The following ANKH variants were observed in gnomAD, a reference collection of about 807,000 sequenced individuals.
ANKH encodes the protein mineralization regulator ANKH.
In ANKH, 15 loss-of-function variants were observed where a neutral mutation model predicts 49.0. That is an observed-to-expected ratio of 0.31 (90% CI 0.20 to 0.47). ANKH has a LOEUF of 0.47. ANKH is among the 20% of genes least tolerant of loss of function. The pLI, the probability that ANKH is intolerant of heterozygous loss-of-function variation, is 1.00. For synonymous variants in ANKH, 273 were observed against 260.0 expected, an observed-to-expected ratio of 1.05 and a Z score of -0.48; for missense variants, 429 against 652.0, an observed-to-expected ratio of 0.66 and a Z score of 3.72.
intron 1 of ANKH, among the ~76,000 whole-genome samples, chr5:14,773,485 G>A (rs113583383): frequency 3.0e-4 from 46 of 151,418 alleles, no homozygotes; most frequent in South Asian, 1.9e-3. Context: ...CAGGTGGGAA[G>A]AGAGAGGGCC....
chr5:14,761,344 A>G (rs1739072154), intron 2 of ANKH, among the ~76,000 whole-genome samples: 1 of 152,142 alleles, frequency 6.6e-6, no homozygotes, highest in Non-Finnish European at 1.5e-5. Flanking sequence ...AGAGAGGGAG[A>G]CAGGCTTATT....
intron 1 of ANKH, among the ~76,000 whole-genome samples, chr5:14,828,309 T>C (rs1741404759): frequency 6.6e-6 from 1 of 152,276 alleles, no homozygotes; most frequent in Non-Finnish European, 1.5e-5. Context: ...CTGGCCAACA[T>C]GGTGAAACCA....
chr5:14,817,007 T>C (rs1741058817), intron 1 of ANKH, among the ~76,000 whole-genome samples: 1 of 152,244 alleles, frequency 6.6e-6, no homozygotes, highest in Admixed American at 6.5e-5. Context: ...TCTGCTTCGA[T>C]GATCCCATAC....
intron 8 of ANKH, among the ~76,000 whole-genome samples, chr5:14,718,971 G>C (rs188762660): frequency 8.5e-4 from 130 of 152,134 alleles, no homozygotes; most frequent in Admixed American, 3.3e-3. Flanking sequence ...CACAGGAGAA[G>C]AGAGTTAAAG....
chr5:14,820,025 T>C (rs1029844439), intron 1 of ANKH, among the ~76,000 whole-genome samples: 7 of 152,038 alleles, frequency 4.6e-5, no homozygotes, highest in African/African-American at 7.2e-5. Flanking sequence ...CCAAATACTA[T>C]GGTGTAAATT....
intron 1 of ANKH, among the ~76,000 whole-genome samples, chr5:14,831,231 C>T (rs1156786240): frequency 3.9e-5 from 6 of 152,030 alleles, no homozygotes; most frequent in South Asian, 2.1e-4. Context: ...GAACCGGAAT[C>T]GGACAGCCAG....
chr5:14,736,151 TTC>T (rs1362467780), intron 8 of ANKH, among the ~76,000 whole-genome samples: 2 of 152,026 alleles, frequency 1.3e-5, no homozygotes, highest in African/African-American at 4.8e-5. Flanking sequence ...CCAGGCTTCC[TTC>T]TCTCTCTGCC....
intron 8 of ANKH, among the ~76,000 whole-genome samples, chr5:14,727,017 G>GGAT (rs1047546225): frequency 6.6e-6 from 1 of 152,152 alleles, no homozygotes; most frequent in African/African-American, 2.4e-5. Context: ...CTCACAGGAG[G>GGAT]GATGATGATG....
At chr5:14,712,198 T>C (rs1322712121) in intron 11 of ANKH, among the ~76,000 whole-genome samples, 1 of 152,214 alleles carries the variant, frequency 6.6e-6, no homozygotes, top group Non-Finnish European at 1.5e-5. Flanking sequence ...GGACAGCCAG[T>C]GTCCTGAGAT....
chr5:14,716,654 A>T lies in ANKH; in HGVS notation c.1141+52T>A, dbSNP rs545914026. 504 of 1,610,046 alleles carry T rather than the reference A, an allele frequency of 3.1e-4. 10 individuals are homozygous for T. The South Asian group carries it at 5.4e-3, about 17-fold the overall frequency. On this transcript the variant is annotated intron_variant, in intron 9 of 11. Transcript: ENST00000284268. ...TGCAAACATTTCCAAAGAAAGATTT[A>T]ATTAGGCATGAGGATAAACAGGAAT...
chr5:14,757,413 C>CAT (rs1425001724), intron 3 of ANKH, among the ~76,000 whole-genome samples: 112 of 127,168 alleles, frequency 8.8e-4, no homozygotes, highest in East Asian at 2.0e-3. Context: ...CTTATTGGAA[C>CAT]ATATATATAT....
chr5:14,856,816 C>A (rs1735278136), intron 1 of ANKH, among the ~76,000 whole-genome samples: 1 of 152,154 alleles, frequency 6.6e-6, no homozygotes, highest in African/African-American at 2.4e-5. Context: ...ACGAGTCAGA[C>A]AAGCCTGGCT....
At chr5:14,810,926 C>T (rs1203472246) in intron 1 of ANKH, among the ~76,000 whole-genome samples, 1 of 152,164 alleles carries the variant, frequency 6.6e-6, no homozygotes, top group Non-Finnish European at 1.5e-5. Context: ...AGATTCAATG[C>T]TCTCATTTCC....
intron 1 of ANKH, among the ~76,000 whole-genome samples, chr5:14,819,544 C>A (rs1006910083): frequency 6.6e-6 from 1 of 152,112 alleles, no homozygotes; most frequent in Non-Finnish European, 1.5e-5. Flanking sequence ...TGCAAGCTCC[C>A]ACTGACTTCT....
intron 3 of ANKH, among the ~76,000 whole-genome samples, chr5:14,757,582 A>G (rs1310894714): frequency 6.6e-6 from 1 of 152,040 alleles, no homozygotes; most frequent in Non-Finnish European, 1.5e-5. Flanking sequence ...GGTTATTAAA[A>G]TAATGAAACC....
intron 1 of ANKH, among the ~76,000 whole-genome samples, chr5:14,785,770 A>G (rs1222805474): frequency 6.6e-6 from 1 of 152,182 alleles, no homozygotes; most frequent in African/African-American, 2.4e-5. Context: ...AGTAATCTGT[A>G]TCGGCAGGGC....
intron 1 of ANKH, among the ~76,000 whole-genome samples, chr5:14,859,628 G>T (rs1051146597): frequency 6.6e-6 from 1 of 152,236 alleles, no homozygotes; most frequent in African/African-American, 2.4e-5. Flanking sequence ...TTCATGAGCA[G>T]TTACAAAGGC....
chr5:14,736,743 G>A (rs1328678060), intron 8 of ANKH, among the ~76,000 whole-genome samples: 1 of 152,184 alleles, frequency 6.6e-6, no homozygotes, highest in East Asian at 1.9e-4. Context: ...GGCATCCCAG[G>A]GGTGCTGGGT....
chr5:14,790,973 T>C (rs1740147119), intron 1 of ANKH, among the ~76,000 whole-genome samples: 2 of 152,158 alleles, frequency 1.3e-5, no homozygotes, highest in South Asian at 4.1e-4. Context: ...CATTTTCTCA[T>C]GAGTTCTCTC....
Sources: allele counts gnomAD v4.1 joint callset (sites outside exome capture counted in the v4.1 genomes callset), GRCh38; gene constraint gnomAD v4.1.1; transcripts MANE v1.5; gene names NCBI Gene and HGNC (gene_info 2026-07-23, HGNC 2026-07-21).